DNAH7: variants seen among roughly 807,000 people sequenced by gnomAD.
DNAH7 encodes axonemal beta dynein heavy chain 7.
DNAH7 carries 397 observed loss-of-function variants against 444.6 expected under a neutral mutation model. The observed-to-expected ratio is 0.89, with a 90% CI of 0.82 to 0.97. DNAH7 has a LOEUF of 0.97. Among genes scored for constraint, DNAH7 ranks in the 50% least tolerant of loss-of-function variants. The pLI, the probability that DNAH7 is intolerant of heterozygous loss-of-function variation, is 0.00. For missense variants in DNAH7, 4,902 were observed against 4,800.8 expected (o/e 1.02, Z -0.62); for synonymous variants, 1,636 against 1,624.4 (o/e 1.01, Z -0.17).
intron 21 of DNAH7, among the ~76,000 whole-genome samples, chr2:195,932,589 T>C (rs371908512): frequency 1.3e-5 from 2 of 152,088 alleles, no homozygotes; most frequent in African/African-American, 4.8e-5. Context: ...ATGATATACA[T>C]CCCATCAATA....
At chr2:195,850,969 T>C (rs1166833533) in intron 46 of DNAH7, among the ~76,000 whole-genome samples, 1 of 152,140 alleles carries the variant, frequency 6.6e-6, no homozygotes, top group African/African-American at 2.4e-5. Flanking sequence ...CAATTATTCA[T>C]TAAGGACTGC....
chr2:195,999,108 T>A (rs1008273691), intron 12 of DNAH7: 1 of 717,268 alleles, frequency 1.4e-6, no homozygotes, highest in Non-Finnish European at 2.6e-6. Flanking sequence ...GGCATCTCCA[T>A]GTAAAGCCAA....
At position 195,796,586 on chromosome 2, in the gene DNAH7, T is replaced by G; in HGVS notation, c.10505A>C (p.Lys3502Thr). Residue 3502 changes from lysine to threonine, a missense_variant, in exon 56 of 65, where the codon AAA becomes ACA. Lys to Thr is a moderately conservative substitution (Grantham distance 78, BLOSUM62 -1). Coordinates refer to ENST00000312428, the MANE Select transcript of DNAH7 (RefSeq NM_018897.3). ...LATSWMPTLE[K>T]VCEELSPEST... ...AACTTGCATTTTTACCTCACAGACT[T>G]TCTCAAGGGTTGGCATCCAAGAGGT... 1 of 1,614,092 alleles carries G rather than the reference T, an allele frequency of 6.2e-7. No individual in the cohort carries two copies. Among genetic ancestry groups the G allele is most frequent in the East Asian group, 2.2e-5 (1 of 44,860 alleles).
intron 61 of DNAH7, among the ~76,000 whole-genome samples, chr2:195,757,861 T>TA (rs1275485729): frequency 2.0e-5 from 3 of 152,164 alleles, no homozygotes; most frequent in Admixed American, 2.0e-4. Context: ...AAACTTGGTT[T>TA]AAAAAACAGA....
chr2:195,906,638 A>G, intron 27 of DNAH7, 21 bp downstream of exon 27: 1 of 1,602,986 alleles, frequency 6.2e-7, no homozygotes, highest in Non-Finnish European at 8.5e-7. Flanking sequence ...GAAATAGATT[A>G]TATAATAACT....
At chr2:195,928,875 C>T (rs1249732100) in intron 21 of DNAH7, among the ~76,000 whole-genome samples, 3 of 151,958 alleles carry the variant, frequency 2.0e-5, no homozygotes, top group Non-Finnish European at 4.4e-5. Context: ...CTAGACAGAG[C>T]GATCAGGCAA....
At chr2:196,019,378 A>G (rs1208634556) in intron 8 of DNAH7, 83 bp from the exon 9 acceptor site, 2 of 1,136,010 alleles carry the variant, frequency 1.8e-6, no homozygotes, top group Non-Finnish European at 2.3e-6. Flanking sequence ...TAATTATTTA[A>G]TTTTAATAAA....
chr2:196,048,545 T>A, intron 3 of DNAH7, 141 bp from the exon 4 acceptor site: 1 of 683,158 alleles, frequency 1.5e-6, no homozygotes, highest in South Asian at 2.0e-5. Context: ...ACAGTAGATC[T>A]TATTCAAGCC....
At chr2:195,975,111 T>C (rs1389098396) in intron 15 of DNAH7, among the ~76,000 whole-genome samples, 1 of 152,160 alleles carries the variant, frequency 6.6e-6, no homozygotes, top group Non-Finnish European at 1.5e-5. Context: ...AACAACCATC[T>C]AAACCCAAAA....
chr2:195,837,773 C>T (rs1161528339), intron 47 of DNAH7, among the ~76,000 whole-genome samples: 1 of 152,046 alleles, frequency 6.6e-6, no homozygotes, highest in Non-Finnish European at 1.5e-5. Context: ...TGAGCAAAAA[C>T]CTGTCTCTCT....
At chr2:195,740,721 T>G (rs757836364) in intron 64 of DNAH7, 45 bp downstream of exon 64, 14 of 814,328 alleles carry the variant, frequency 1.7e-5, no homozygotes, top group Non-Finnish European at 2.4e-5. Context: ...ATATAAAATA[T>G]GTATAAAATA....
At chr2:195,884,149 C>T (rs900646277) in intron 35 of DNAH7, among the ~76,000 whole-genome samples, 2 of 152,062 alleles carry the variant, frequency 1.3e-5, no homozygotes, top group African/African-American at 4.8e-5. Flanking sequence ...CACTACCACC[C>T]AAGTTTTAGT....
At chr2:195,789,060 G>C (rs1002651371) in intron 57 of DNAH7, among the ~76,000 whole-genome samples, 1 of 152,102 alleles carries the variant, frequency 6.6e-6, no homozygotes, top group Non-Finnish European at 1.5e-5. Flanking sequence ...GGATTCTTCA[G>C]AAAAATGGCT....
At chr2:196,032,030 C>G (rs933738458) in intron 5 of DNAH7, among the ~76,000 whole-genome samples, 2 of 152,162 alleles carry the variant, frequency 1.3e-5, no homozygotes, top group African/African-American at 4.8e-5. Context: ...CGAAACTGGG[C>G]AATTTACAAA....
At chr2:195,876,502 A>T (rs754678019) in intron 37 of DNAH7, 42 bp downstream of exon 37, 10 of 1,572,650 alleles carry the variant, frequency 6.4e-6, no homozygotes, top group Middle Eastern at 1.7e-4. Flanking sequence ...AACTGCAGCA[A>T]TGTATATGAA....
rs375373052 is a variant in DNAH7 at position 195,824,314 on chromosome 2, G to A, written c.9232C>T (p.Arg3078Cys). 3.1e-4 allele frequency: 503 copies of A among 1,613,582 alleles called. No individual in the cohort carries two copies. Among genetic ancestry groups the A allele is most frequent in the Non-Finnish European group, 4.1e-4 (486 of 1,179,796 alleles). ...DSTIEYAPDF[R>C]FYITTKLRNP... Reference sequence around the variant, plus strand: ...CTTAACTTGGTAGTAATATAGAAGCGGAAGTCAGGTGCATATTCAATTGTG... The same window carrying A: ...CTTAACTTGGTAGTAATATAGAAGCAGAAGTCAGGTGCATATTCAATTGTG... The change falls in exon 49 of 65, where the codon CGC becomes TGC. Residue 3078 changes from arginine (R) to cysteine (C), a missense_variant. Arg to Cys is a radical substitution (Grantham distance 180). Transcript: ENST00000312428.
chr2:195,798,007 T>C lies in DNAH7; in HGVS notation c.10354-1270A>G, dbSNP rs1234202364. ...TGCAAAAATACATAATTCAAAAATC[T>C]GGAGGAAATAGGACAAGTTCACCTA... On this transcript the variant is annotated intron_variant, in intron 55 of 64. Transcript: ENST00000312428. Among the ~76,000 whole-genome samples, 4 of 152,378 alleles carry C rather than the reference T, an allele frequency of 2.6e-5. No homozygotes were observed. In the East Asian group the frequency reaches 7.7e-4, roughly 29 times the overall value.
chr2:196,047,457 T>C lies in DNAH7; in HGVS notation c.293A>G (p.His98Arg), dbSNP rs1163864822. The change falls in exon 5 of 65, where the codon CAC becomes CGC. Residue 98 changes from histidine (H) to arginine (R), a missense_variant. By Grantham distance (29) the His-to-Arg change is conservative. Transcript: ENST00000312428. ...ERFGKKGKLP[H>R]QVDDSYVGPS... Reference sequence around the variant, plus strand: ...TCCAACATAACTATCATCAACTTGGTGGGGTAATTTGCCCTTTTTTCCAAA... The same window carrying C: ...TCCAACATAACTATCATCAACTTGGCGGGGTAATTTGCCCTTTTTTCCAAA... 10 of 1,601,934 alleles carry C rather than the reference T, an allele frequency of 6.2e-6. No individual in the cohort carries two copies. The highest frequency in any genetic ancestry group is 6.8e-6 in the Non-Finnish European group (8 of 1,173,340).
chr2:195,856,959 T>C (rs1003317749), intron 44 of DNAH7, among the ~76,000 whole-genome samples: 1 of 152,142 alleles, frequency 6.6e-6, no homozygotes, highest in African/African-American at 2.4e-5. Flanking sequence ...AAAATACCAC[T>C]CTTCTCATCA....
Sources: allele counts gnomAD v4.1 joint callset (sites outside exome capture counted in the v4.1 genomes callset), GRCh38; gene constraint gnomAD v4.1.1; transcripts MANE v1.5; gene names NCBI Gene and HGNC (gene_info 2026-07-23, HGNC 2026-07-21).